The following ADAMTS17 variants were observed in gnomAD, a reference collection of about 807,000 sequenced individuals.
ADAMTS17 encodes ADAM metallopeptidase with thrombospondin type 1 motif 17, also known as A disintegrin and metalloproteinase with thrombospondin motifs 17.
A neutral mutation model predicts 141.5 loss-of-function variants in ADAMTS17; 113 were observed. The ratio of observed to expected loss-of-function variants is 0.80; its 90% CI spans 0.69 to 0.93. The LOEUF (loss-of-function observed/expected upper bound fraction) is 0.93. ADAMTS17 is among the 40% of genes least tolerant of loss of function. The pLI, the probability that ADAMTS17 is intolerant of heterozygous loss-of-function variation, is 0.00. For synonymous variants in ADAMTS17, 768 were observed against 630.6 expected, an observed-to-expected ratio of 1.22 and a Z score of -3.27; for missense variants, 1,659 against 1,517.9, an observed-to-expected ratio of 1.09 and a Z score of -1.54.
chr15:100,336,198 G>A (rs1040848461), intron 2 of ADAMTS17, among the ~76,000 whole-genome samples: 2 of 152,226 alleles, frequency 1.3e-5, no homozygotes, highest in African/African-American at 4.8e-5. Flanking sequence ...CCTGGTGCAG[G>A]AGCAGTCAGT....
chr15:100,320,265 C>T lies in ADAMTS17; in HGVS notation c.616+10624G>A, dbSNP rs530610335. Among the ~76,000 whole-genome samples the T allele has an allele frequency of 9.2e-5, 14 of 152,086 alleles. No individual in the cohort carries two copies. In the South Asian group the frequency reaches 1.2e-3, roughly 14 times the overall value. ...ATCAACTAGGAATTCCAGGAGAAGA[C>T]GTAGGTAATGGGAAGAGGCACGTCT... is the stretch of plus-strand genomic sequence containing the variant. On this transcript the variant is annotated intron_variant, in intron 3 of 21. Transcript: ENST00000268070.
intron 19 of ADAMTS17, among the ~76,000 whole-genome samples, chr15:99,995,159 T>C (rs1009920797): frequency 2.6e-5 from 4 of 152,204 alleles, no homozygotes; most frequent in Non-Finnish European, 5.9e-5. Context: ...ACTGCAGGGC[T>C]ACCCCTTGCT....
chr15:100,277,446 A>G (rs2044137258), intron 4 of ADAMTS17, among the ~76,000 whole-genome samples: 1 of 152,146 alleles, frequency 6.6e-6, no homozygotes, highest in Non-Finnish European at 1.5e-5. Flanking sequence ...ATGAAAGCAA[A>G]TATCAAAGTC....
chr15:100,030,412 C>G (rs2030028284), intron 18 of ADAMTS17, among the ~76,000 whole-genome samples: 1 of 152,214 alleles, frequency 6.6e-6, no homozygotes, highest in East Asian at 1.9e-4. Flanking sequence ...GAAGTGCTGG[C>G]AGGAACCAGC....
At chr15:100,145,079 CATAAT>C (rs1400349680) in intron 10 of ADAMTS17, among the ~76,000 whole-genome samples, 1 of 152,178 alleles carries the variant, frequency 6.6e-6, no homozygotes, top group Non-Finnish European at 1.5e-5. Context: ...TTTTTTGTCT[CATAAT>C]ATACTTAAAG....
chr15:100,248,055 C>T (rs563802174), intron 7 of ADAMTS17, among the ~76,000 whole-genome samples: 1 of 152,188 alleles, frequency 6.6e-6, no homozygotes, highest in African/African-American at 2.4e-5. Flanking sequence ...CCATGGGACC[C>T]TCAAGCCACA....
At chr15:100,289,055 G>A (rs773030035) in intron 3 of ADAMTS17, among the ~76,000 whole-genome samples, 21 of 152,072 alleles carry the variant, frequency 1.4e-4, no homozygotes, top group Middle Eastern at 3.4e-3. Context: ...CAACAAAACC[G>A]GAGCTTTGTT....
At chr15:100,009,286 A>G (rs1481066352) in intron 18 of ADAMTS17, among the ~76,000 whole-genome samples, 1 of 152,068 alleles carries the variant, frequency 6.6e-6, no homozygotes, top group Non-Finnish European at 1.5e-5. Context: ...CCCTATTCCT[A>G]TGTAGGTGGG....
intron 7 of ADAMTS17, among the ~76,000 whole-genome samples, chr15:100,253,472 G>GTAGAGGGGGAGGGGAACA (rs2043221516): frequency 2.8e-5 from 1 of 35,212 alleles, no homozygotes; most frequent in Non-Finnish European, 5.3e-5. Flanking sequence ...GGAGGGGAAG[G>GTAGAGGGGGAGGGGAACA]TAGAGGGGGA....
intron 8 of ADAMTS17, among the ~76,000 whole-genome samples, chr15:100,192,143 G>A (rs1188509889): frequency 2.0e-5 from 3 of 152,194 alleles, no homozygotes; most frequent in Non-Finnish European, 2.9e-5. Context: ...GCTCACACAC[G>A]GACTTTGATG....
chr15:100,026,541 G>C (rs1596257678), intron 18 of ADAMTS17, among the ~76,000 whole-genome samples: 1 of 152,244 alleles, frequency 6.6e-6, no homozygotes, highest in African/African-American at 2.4e-5. Flanking sequence ...TGTAAAAGCA[G>C]GCACATACCA....
At chr15:100,030,043 G>T (rs2029979376) in intron 18 of ADAMTS17, among the ~76,000 whole-genome samples, 1 of 152,192 alleles carries the variant, frequency 6.6e-6, no homozygotes, top group South Asian at 2.1e-4. Flanking sequence ...CGAGGCCTGA[G>T]CCTTGCTTCG....
intron 15 of ADAMTS17, among the ~76,000 whole-genome samples, chr15:100,086,391 A>T (rs1027116819): frequency 2.0e-5 from 3 of 151,328 alleles, no homozygotes; most frequent in Non-Finnish European, 4.4e-5. Flanking sequence ...CCACACAATA[A>T]TAATGGGAGA....
chr15:100,160,752 T>C (rs759898848), intron 8 of ADAMTS17, among the ~76,000 whole-genome samples: 4 of 152,118 alleles, frequency 2.6e-5, no homozygotes, highest in Non-Finnish European at 4.4e-5. Flanking sequence ...GATTCTTGGG[T>C]TTCTGGAGTT....
At chr15:100,010,507 C>T (rs937866422) in intron 18 of ADAMTS17, among the ~76,000 whole-genome samples, 1 of 152,208 alleles carries the variant, frequency 6.6e-6, no homozygotes, top group Admixed American at 6.5e-5. Context: ...TCCACGTGTG[C>T]TGCGAGCCTA....
At chr15:100,248,439 G>T (rs1441037027) in intron 7 of ADAMTS17, among the ~76,000 whole-genome samples, 1 of 152,152 alleles carries the variant, frequency 6.6e-6, no homozygotes, top group Non-Finnish European at 1.5e-5. Flanking sequence ...TATGCATCTG[G>T]AAGAGGAACG....
intron 8 of ADAMTS17, among the ~76,000 whole-genome samples, chr15:100,179,326 C>G (rs1022124012): frequency 9.2e-5 from 14 of 152,096 alleles, no homozygotes; most frequent in Middle Eastern, 3.2e-3. Context: ...ATGTGAAGTT[C>G]GTATTTCTGT....
chr15:100,282,633 G>A (rs2044322525), intron 3 of ADAMTS17, among the ~76,000 whole-genome samples: 1 of 152,180 alleles, frequency 6.6e-6, no homozygotes, highest in South Asian at 2.1e-4. Context: ...GTGAATAAAT[G>A]AAACTACGGA....
chr15:100,339,791 T>TA (rs2046311616), intron 2 of ADAMTS17, among the ~76,000 whole-genome samples: 1 of 152,174 alleles, frequency 6.6e-6, no homozygotes, highest in South Asian at 2.1e-4. Flanking sequence ...TATCATACCC[T>TA]AATCAGAACT....
Sources: gnomAD v4.1 joint callset for allele counts (sites outside exome capture counted in the v4.1 genomes callset) on GRCh38, gnomAD v4.1.1 for gene constraint, MANE v1.5 for transcripts, NCBI Gene and HGNC (gene_info 2026-07-23, HGNC 2026-07-21) for gene names.